FAT1: variants seen among roughly 807,000 people sequenced by gnomAD.
FAT1 encodes the protein FAT atypical cadherin 1.
In FAT1, 171 loss-of-function variants were observed where a neutral mutation model predicts 329.8. That is an observed-to-expected ratio of 0.52 (90% CI 0.46 to 0.59). FAT1 has a LOEUF of 0.59. Ranked by LOEUF, FAT1 falls within the 20% of genes least tolerant of loss-of-function variation. The pLI, the probability that FAT1 is intolerant of heterozygous loss-of-function variation, is 0.00. For missense variants in FAT1, 5,672 were observed against 5,774.4 expected (o/e 0.98, Z 0.57); for synonymous variants, 2,233 against 2,228.6 (o/e 1.00, Z -0.06).
At chr4:186,689,189 T>A (rs1743631326) in intron 2 of FAT1, among the ~76,000 whole-genome samples, 1 of 151,852 alleles carries the variant, frequency 6.6e-6, no homozygotes, top group Non-Finnish European at 1.5e-5. Context: ...GGAAAATCAC[T>A]CTGTAAAAAT....
chr4:186,597,497 C>A (rs942007831), intron 24 of FAT1, among the ~76,000 whole-genome samples, 185 bp downstream of exon 24: 1 of 151,914 alleles, frequency 6.6e-6, no homozygotes, highest in Non-Finnish European at 1.5e-5. Flanking sequence ...ATTATATATA[C>A]TGTATTCATC....
intron 2 of FAT1, among the ~76,000 whole-genome samples, chr4:186,665,313 A>G (rs1302051954): frequency 6.6e-6 from 1 of 152,212 alleles, no homozygotes; most frequent in African/African-American, 2.4e-5. Flanking sequence ...TCCCACCAAC[A>G]GTGTTAAAGT....
At chr4:186,609,600 T>C (rs1311187348) in intron 15 of FAT1, among the ~76,000 whole-genome samples, 1 of 152,106 alleles carries the variant, frequency 6.6e-6, no homozygotes, top group African/African-American at 2.4e-5. Context: ...TTTGTATTTT[T>C]AGTAGAGACA....
At position 186,712,688 on chromosome 4, in the gene FAT1, A is replaced by C. The variant is rs541806996; in HGVS notation, c.-18-2843T>G. ...CTAAATCCAAAGGGTCAGGGCTTACACTAGTGACATGCTGGGCAACTCTTA... is the reference window on the plus strand; with the variant it reads ...CTAAATCCAAAGGGTCAGGGCTTACCCTAGTGACATGCTGGGCAACTCTTA... On this transcript the variant is annotated intron_variant, in intron 1 of 26. Transcript: ENST00000441802. Among the ~76,000 whole-genome samples the C allele has an allele frequency of 2.0e-3, 307 of 152,296 alleles. 1 individual carries two copies. Among genetic ancestry groups the C allele is most frequent in the Middle Eastern group, 6.8e-3 (2 of 294 alleles).
chr4:186,603,193 G>A lies in FAT1; in HGVS notation c.11333C>T (p.Ala3778Val), dbSNP rs773283301. The part of the protein sequence containing the change: ...SFVTPRHHRA[A>V]VCLCKEGRCP... ...TGCAGTACCTTTGCAGAGACACACC[G>A]CTGCCCTGTGGTGGCGGGGAGTCAC... is the stretch of plus-strand genomic sequence containing the variant. The change falls in exon 19 of 27, where the codon GCG (alanine) becomes GTG (valine). Residue 3778 changes from alanine to valine, a missense_variant. By Grantham distance (64) the Ala-to-Val change is moderately conservative. This residue lies in a region of FAT1 where 1,706 missense variants were observed against 1,859.1 expected (regional missense o/e 0.92). Coordinates refer to ENST00000441802, the MANE Select transcript of FAT1 (RefSeq NM_005245.4). 21 of 1,613,486 alleles carry A rather than the reference G, an allele frequency of 1.3e-5. No homozygotes were observed. Among genetic ancestry groups the A allele is most frequent in the South Asian group, 2.2e-5 (2 of 91,018 alleles).
chr4:186,603,834 A>T lies in FAT1; in HGVS notation c.10692T>A (p.Ile3564=), dbSNP rs757730263. The T allele has an allele frequency of 6.2e-7, 1 of 1,613,890 alleles. No homozygotes were observed. Residue 3564 remains isoleucine, a synonymous_variant, in exon 19 of 27, where the codon ATT becomes ATA. Transcript: ENST00000441802. The part of the protein sequence containing the change: ...SSGEEYSGGV[I]GKIHATDQDV... ...CCTGGTCTGTGGCATGGATCTTCCC[A>T]ATGACGCCACCTGAGTATTCTTCTC...
chr4:186,663,162 G>A, intron 3 of FAT1, 137 bp downstream of exon 3: 3 of 777,132 alleles, frequency 3.9e-6, no homozygotes, highest in Non-Finnish European at 6.0e-6. Context: ...CAAAATAAAG[G>A]CTTATTTTGA....
rs532537395 is a variant in FAT1 at position 186,681,719 on chromosome 4, G to A, written c.3266-18106C>T. Among the ~76,000 whole-genome samples, 52 of 152,276 alleles carry A rather than the reference G, an allele frequency of 3.4e-4. 1 individual carries two copies. The highest frequency in any genetic ancestry group is 2.0e-3 in the Admixed American group (30 of 15,284). ...ACCTGAAACAGTATGCATCAATACC[G>A]CTGAAGTGGCAGTGAGGTCTGCCAC... is the stretch of plus-strand genomic sequence containing the variant. On this transcript the variant is annotated intron_variant, in intron 2 of 26. Transcript: ENST00000441802.
rs796251435 is a variant in FAT1, at chr4:186,613,300, G to C, written c.9272C>G (p.Ala3091Gly). 5 of 1,613,998 alleles carry C rather than the reference G, an allele frequency of 3.1e-6. No individual in the cohort carries two copies. In the African/African-American group the frequency reaches 6.7e-5, roughly 22 times the overall value. The change falls in exon 13 of 27, where the codon GCT (alanine) becomes GGT (glycine). Residue 3091 changes from alanine to glycine, a missense_variant. By Grantham distance (60) the Ala-to-Gly change is moderately conservative. Transcript: ENST00000441802. ...TSTPLDREEQ[A>G]VYHLLVRATD... ...GGCCCTGACGAGAAGATGATAAACA[G>C]CTTGCTCCTCACGATCAAGGGGGGT...
At chr4:186,621,846 A>C in intron 9 of FAT1, 71 bp from the exon 10 acceptor site, 1 of 924,210 alleles carries the variant, frequency 1.1e-6, no homozygotes, top group South Asian at 2.0e-5. Context: ...TTAGAGAAAC[A>C]GAAACAAAGT....
At chr4:186,616,082 T>C (rs555361831) in intron 11 of FAT1, among the ~76,000 whole-genome samples, 9 of 152,156 alleles carry the variant, frequency 5.9e-5, no homozygotes, top group Middle Eastern at 3.4e-3. Flanking sequence ...TCCTCGGTGG[T>C]GGCTTTGGTC....
intron 22 of FAT1, 58 bp from the exon 23 acceptor site, chr4:186,598,183 C>G (rs1738630311): frequency 7.0e-7 from 1 of 1,438,020 alleles, no homozygotes; most frequent in Non-Finnish European, 9.4e-7. Flanking sequence ...GAAACCTGGT[C>G]TTAATTATAT....
At position 186,609,311 on chromosome 4, in the gene FAT1, C is replaced by T. The variant is rs1389992570; in HGVS notation, c.10078G>A (p.Asp3360Asn). 20 of 1,613,784 alleles carry T rather than the reference C, an allele frequency of 1.2e-5. No homozygotes were observed. In the East Asian group the frequency reaches 1.3e-4, roughly 11 times the overall value. The change falls in exon 16 of 27, where the codon GAT (aspartate) becomes AAT (asparagine). Residue 3360 changes from aspartate (D) to asparagine (N), a missense_variant. By Grantham distance (23) the Asp-to-Asn change is conservative. This residue lies in a region of FAT1 where 1,706 missense variants were observed against 1,859.1 expected (regional missense o/e 0.92). Transcript: ENST00000441802. ...CTGTTGGAAGGTCCATCGGCATCAT[C>T]GGCCATAACCTAGAACACACCACAC... ...LEQSVITVMA[D>N]DADGPSNSHI...
chr4:186,703,423 T>C (rs1744421351), intron 2 of FAT1, among the ~76,000 whole-genome samples: 1 of 152,232 alleles, frequency 6.6e-6, no homozygotes, highest in African/African-American at 2.4e-5. Context: ...TTCAGCTTGC[T>C]GGATAGGTTC....
intron 11 of FAT1, among the ~76,000 whole-genome samples, chr4:186,614,790 GT>G (rs980281050): frequency 4.9e-4 from 62 of 126,148 alleles, no homozygotes; most frequent in African/African-American, 2.4e-3. Flanking sequence ...AATAACTGCA[GT>G]TGAGAGAGAA....
Position 186,628,570 on chromosome 4 carries a change from C to T in FAT1, c.4517G>A (p.Arg1506His), listed in dbSNP as rs570583897. 6.8e-6 allele frequency: 11 copies of T among 1,613,948 alleles called. No individual in the cohort carries two copies. The highest frequency in any genetic ancestry group is 5.3e-5 in the African/African-American group (4 of 75,022). ...SRDPLSLKKF[R>H]LDPATGSLYT... ...GAGAGAGCCGGTTGCAGGATCAAGA[C>T]GAAATTTCTTGAGACTCAGTGGATC... is the stretch of plus-strand genomic sequence containing the variant. The change falls in exon 8 of 27, where the codon CGT becomes CAT. Residue 1506 changes from arginine to histidine, a missense_variant. Around this residue, in one of 2 missense-constraint regions of FAT1, gnomAD observed 3,966 missense variants for 3,915.2 expected, o/e 1.01. Coordinates refer to ENST00000441802, the MANE Select transcript of FAT1 (RefSeq NM_005245.4).
intron 7 of FAT1, among the ~76,000 whole-genome samples, chr4:186,632,670 TG>T (rs1487450113): frequency 6.6e-6 from 1 of 152,206 alleles, no homozygotes; most frequent in Non-Finnish European, 1.5e-5. Context: ...GAAATATTTT[TG>T]TAAATGGCTT....
chr4:186,595,783 T>C lies in FAT1; in HGVS notation c.13044A>G (p.Leu4348=), dbSNP rs1220719047. ...DLDPCLSKKP[L]EEKPSQPYSA... ...TGTATGGCTGGGAAGGCTTTTCCTC[T>C]AGAGGCTTCTTGGAAAGACAGGGAT... The change falls in exon 26 of 27, where the codon CTA becomes CTG. Residue 4348 remains leucine (L), a synonymous_variant. Coordinates refer to ENST00000441802, the MANE Select transcript of FAT1 (RefSeq NM_005245.4). 6.2e-7 allele frequency: 1 copy of C among 1,613,980 alleles called. No individual in the cohort carries two copies. Among genetic ancestry groups the C allele is most frequent in the Non-Finnish European group, 8.5e-7 (1 of 1,179,864 alleles).
rs1340712816 is a variant in FAT1 at position 186,723,738 on chromosome 4, A to G, written c.-93T>C. 1 of 150,594 alleles carries G rather than the reference A, an allele frequency of 6.6e-6. No homozygotes were observed. Among genetic ancestry groups the G allele is most frequent in the African/African-American group, 2.4e-5 (1 of 40,824 alleles). 9.3% of individuals were successfully genotyped at this position (150,594 alleles called of 1,614,324 possible). On this transcript the variant is annotated 5_prime_UTR_variant, in exon 1 of 27. Coordinates refer to ENST00000441802, the MANE Select transcript of FAT1 (RefSeq NM_005245.4). ...CGTCTCAGCGCGCCCCCGAGCAGGG[A>G]CCGGGCCTGCCGGGGCCCTCGCCGG...
Sources: gnomAD v4.1 joint callset for allele counts (sites outside exome capture counted in the v4.1 genomes callset) on GRCh38, gnomAD v4.1.1 for gene constraint, gnomAD v4.1.1 regional missense constraint, MANE v1.5 for transcripts, NCBI Gene and HGNC (gene_info 2026-07-23, HGNC 2026-07-21) for gene names.